Variants in ZNF521 observed in about 807,000 individuals in gnomAD.
The protein encoded by ZNF521 is LYST-interacting protein 3.
A neutral mutation model predicts 105.5 loss-of-function variants in ZNF521; 14 were observed. That is an observed-to-expected ratio of 0.13 (90% CI 0.09 to 0.21). The LOEUF is 0.21. Ranked by LOEUF, ZNF521 falls within the 10% of genes least tolerant of loss-of-function variation. ZNF521 has a pLI of 1.00. For missense variants in ZNF521, 1,233 were observed against 1,629.7 expected, an observed-to-expected ratio of 0.76 and a Z score of 4.19; for synonymous variants, 635 against 606.0, an observed-to-expected ratio of 1.05 and a Z score of -0.70.
At chr18:25,158,105 T>A (rs917589225) in intron 5 of ZNF521, among the ~76,000 whole-genome samples, 4 of 152,166 alleles carry the variant, frequency 2.6e-5, no homozygotes, top group Admixed American at 2.6e-4. Flanking sequence ...GGGATAACAG[T>A]AGTACCTATC....
chr18:25,324,901 G>A lies in ZNF521; in HGVS notation c.41-2714C>T, dbSNP rs7227698. 8.2e-3 allele frequency among the ~76,000 whole-genome samples: 1,247 copies of A among 152,294 alleles called. 17 individuals carry two copies. Among genetic ancestry groups the A allele is most frequent in the African/African-American group, 0.027 (1,115 of 41,550 alleles). On this transcript the variant is annotated intron_variant, in intron 2 of 7. Coordinates refer to ENST00000361524, the MANE Select transcript of ZNF521 (RefSeq NM_015461.3). ...GTCCATGCTTCCAACACTGTGGCTA[G>A]TTATTAAAATGAGGGTCATTTTAAG...
At chr18:25,216,102 A>G (rs1404123511) in intron 4 of ZNF521, among the ~76,000 whole-genome samples, 1 of 152,196 alleles carries the variant, frequency 6.6e-6, no homozygotes, top group African/African-American at 2.4e-5. Context: ...AGCAATTTGA[A>G]ATTTGAAAAC....
At chr18:25,268,691 T>C (rs1909435306) in intron 3 of ZNF521, among the ~76,000 whole-genome samples, 1 of 152,168 alleles carries the variant, frequency 6.6e-6, no homozygotes, top group African/African-American at 2.4e-5. Flanking sequence ...TCTTCTTAAG[T>C]GAATGAGAAA....
intron 3 of ZNF521, among the ~76,000 whole-genome samples, chr18:25,280,344 A>T (rs1041120062): frequency 2.0e-5 from 3 of 152,040 alleles, no homozygotes; most frequent in Non-Finnish European, 4.4e-5. Flanking sequence ...TTAAGCACAC[A>T]CACACTCAGG....
intron 4 of ZNF521, 32 bp from the exon 5 acceptor site, chr18:25,195,276 G>T: frequency 6.9e-7 from 1 of 1,456,572 alleles, no homozygotes; most frequent in Non-Finnish European, 9.4e-7. Flanking sequence ...GAGTTACTTA[G>T]ACACATGGAC....
intron 7 of ZNF521, among the ~76,000 whole-genome samples, chr18:25,084,550 T>C (rs997000001): frequency 2.6e-5 from 4 of 152,064 alleles, no homozygotes; most frequent in Non-Finnish European, 2.9e-5. Context: ...AAATTACTAC[T>C]GCACTTTGAA....
chr18:25,140,860 G>C (rs981118829), intron 5 of ZNF521, among the ~76,000 whole-genome samples: 2 of 152,158 alleles, frequency 1.3e-5, no homozygotes, highest in African/African-American at 4.8e-5. Flanking sequence ...AAACACATGG[G>C]TTTGGCTGAA....
intron 2 of ZNF521, among the ~76,000 whole-genome samples, chr18:25,338,659 G>A (rs970334389): frequency 3.3e-5 from 5 of 152,042 alleles, no homozygotes; most frequent in Non-Finnish European, 5.9e-5. Context: ...CGATCCCCCC[G>A]CCTCAGTCTC....
intron 5 of ZNF521, among the ~76,000 whole-genome samples, chr18:25,125,207 A>G (rs2034516292): frequency 1.3e-5 from 2 of 152,214 alleles, no homozygotes; most frequent in South Asian, 4.1e-4. Context: ...TGAAATTTGA[A>G]TCTTATCTAG....
intron 3 of ZNF521, among the ~76,000 whole-genome samples, chr18:25,319,709 G>C (rs1489100841): frequency 6.6e-6 from 1 of 152,112 alleles, no homozygotes; most frequent in Admixed American, 6.5e-5. Context: ...AGAGAAAATG[G>C]TAACTTTATA....
intron 5 of ZNF521, among the ~76,000 whole-genome samples, chr18:25,177,400 T>C (rs1010346747): frequency 3.3e-5 from 5 of 152,174 alleles, no homozygotes; most frequent in Non-Finnish European, 5.9e-5. Context: ...AATCAAAATA[T>C]GAATTCAAAG....
chr18:25,238,598 A>C (rs1425911099), intron 3 of ZNF521, among the ~76,000 whole-genome samples: 1 of 152,034 alleles, frequency 6.6e-6, no homozygotes, highest in Non-Finnish European at 1.5e-5. Flanking sequence ...TTCCTCTCAC[A>C]CCCTTGCCTG....
chr18:25,205,891 T>C (rs2036070154), intron 4 of ZNF521, among the ~76,000 whole-genome samples: 1 of 152,210 alleles, frequency 6.6e-6, no homozygotes, highest in Non-Finnish European at 1.5e-5. Flanking sequence ...AATTCTCTTA[T>C]AATTCGTTTA....
At chr18:25,222,119 A>G (rs1337786305) in intron 4 of ZNF521, among the ~76,000 whole-genome samples, 1 of 152,146 alleles carries the variant, frequency 6.6e-6, no homozygotes, top group Non-Finnish European at 1.5e-5. Flanking sequence ...AGCTCTTATT[A>G]ATCAGGTTTC....
intron 3 of ZNF521, among the ~76,000 whole-genome samples, chr18:25,294,580 G>A (rs185292665): frequency 1.4e-3 from 211 of 152,220 alleles, no homozygotes; most frequent in African/African-American, 5.0e-3. Flanking sequence ...TAGGCTGCCA[G>A]GTGCAGTGGC....
chr18:25,077,496 G>A (rs2144151263), intron 7 of ZNF521, among the ~76,000 whole-genome samples: 1 of 151,514 alleles, frequency 6.6e-6, no homozygotes, highest in East Asian at 1.9e-4. Flanking sequence ...CCCCCACATA[G>A]CAGCACAACA....
chr18:25,312,284 C>T (rs550557971), intron 3 of ZNF521, among the ~76,000 whole-genome samples: 94 of 152,234 alleles, frequency 6.2e-4, no homozygotes, highest in Middle Eastern at 6.8e-3. Context: ...TACCCACAAG[C>T]ATTCAAAGAG....
chr18:25,286,850 C>G (rs1310660190), intron 3 of ZNF521, among the ~76,000 whole-genome samples: 1 of 152,146 alleles, frequency 6.6e-6, no homozygotes, highest in African/African-American at 2.4e-5. Flanking sequence ...TAATCTAACA[C>G]AAGATCCTCG....
At position 25,278,668 on chromosome 18, in the gene ZNF521, G is replaced by A. The variant is rs1371734572; in HGVS notation, c.220+43340C>T. Among the ~76,000 whole-genome samples the A allele has an allele frequency of 3.3e-5, 5 of 152,156 alleles. No homozygotes were observed. The East Asian group carries it at 9.6e-4, about 29-fold the overall frequency. On this transcript the variant is annotated intron_variant, in intron 3 of 7. Coordinates refer to ENST00000361524, the MANE Select transcript of ZNF521 (RefSeq NM_015461.3). ...TTCAATACTTTCAAGTCACTTGCTGGCTAGAAAAGAAATTGCACTGTAATT... is the reference window on the plus strand; with the variant it reads ...TTCAATACTTTCAAGTCACTTGCTGACTAGAAAAGAAATTGCACTGTAATT...
Sources: allele counts gnomAD v4.1 joint callset (sites outside exome capture counted in the v4.1 genomes callset), GRCh38; gene constraint gnomAD v4.1.1; transcripts MANE v1.5; gene names NCBI Gene and HGNC (gene_info 2026-07-23, HGNC 2026-07-21).